The following CDH12 variants were observed in gnomAD, a reference collection of about 807,000 sequenced individuals.
CDH12 encodes the protein cadherin 12.
CDH12 carries 41 observed loss-of-function variants against 74.1 expected under a neutral mutation model. The ratio of observed to expected loss-of-function variants is 0.55; its 90% confidence interval spans 0.43 to 0.72. The LOEUF (loss-of-function observed/expected upper bound fraction) is 0.72. Ranked by LOEUF, CDH12 falls within the 30% of genes least tolerant of loss-of-function variation. CDH12 has a pLI of 0.00. For synonymous variants in CDH12, 399 were observed against 355.0 expected, an observed-to-expected ratio of 1.12 and a Z score of -1.39; for missense variants, 945 against 977.2, an observed-to-expected ratio of 0.97 and a Z score of 0.44.
At chr5:22,350,259 T>G (rs963024962) in intron 3 of CDH12, among the ~76,000 whole-genome samples, 2 of 152,216 alleles carry the variant, frequency 1.3e-5, no homozygotes, top group South Asian at 2.1e-4. Flanking sequence ...TATTATGCAG[T>G]GAAAATACTT....
intron 3 of CDH12, among the ~76,000 whole-genome samples, chr5:22,306,349 G>C (rs1478055284): frequency 1.3e-5 from 2 of 151,900 alleles, no homozygotes; most frequent in Admixed American, 1.3e-4. Context: ...AAAATAATGA[G>C]AGAGAGAAAA....
chr5:22,103,906 G>A (rs1744285187), intron 4 of CDH12, among the ~76,000 whole-genome samples: 1 of 152,114 alleles, frequency 6.6e-6, no homozygotes, highest in Non-Finnish European at 1.5e-5. Context: ...TGTCAAGTTA[G>A]GTTTTTGGCA....
At chr5:22,383,968 T>A (rs1188629858) in intron 3 of CDH12, among the ~76,000 whole-genome samples, 1 of 152,140 alleles carries the variant, frequency 6.6e-6, no homozygotes, top group Non-Finnish European at 1.5e-5. Flanking sequence ...TTGCCATGGG[T>A]CTGAGTTATT....
chr5:22,466,812 C>T lies in CDH12; in HGVS notation c.-428+38458G>A, dbSNP rs1299924839. 2.7e-4 allele frequency among the ~76,000 whole-genome samples: 15 copies of T among 55,610 alleles called. No individual in the cohort carries two copies. In the East Asian group the frequency reaches 7.1e-3, roughly 26 times the overall value. The allele number at this position is 55,610 out of a possible 152,430, so 36.5% of individuals were successfully genotyped here. A position where few individuals can be genotyped will look rare whatever the true frequency, so the allele number is the denominator to read the frequency against. ...TTTTTTTTTTTTTTTTTTTTTGAGA[C>T]GTTGTCTTGCTCTGTCACCAGGCTG... On this transcript the variant is annotated intron_variant, in intron 2 of 14. Coordinates refer to ENST00000382254, the MANE Select transcript of CDH12 (RefSeq NM_004061.5).
intron 2 of CDH12, among the ~76,000 whole-genome samples, chr5:22,492,350 G>GATTT (rs11395240): frequency 2.7e-5 from 4 of 148,492 alleles, no homozygotes; most frequent in African/African-American, 4.9e-5. Context: ...TACTAAAAAT[G>GATTT]TTTTTTTTTT....
chr5:21,898,438 C>T (rs1186728465), intron 6 of CDH12, among the ~76,000 whole-genome samples: 1 of 152,078 alleles, frequency 6.6e-6, no homozygotes, highest in Non-Finnish European at 1.5e-5. Context: ...CGCGGTGGCT[C>T]ACGGCTGTAA....
chr5:22,057,586 A>ATT (rs1404541286), intron 5 of CDH12, among the ~76,000 whole-genome samples: 2 of 152,142 alleles, frequency 1.3e-5, no homozygotes, highest in Non-Finnish European at 2.9e-5. Flanking sequence ...GAGCCTGTCT[A>ATT]TTCAGGTACA....
rs1554032478 is a variant in CDH12, at chr5:21,804,643, A to AAAAAATACACAC, written c.1003-2224_1003-2223insGTGTGTATTTTT. Reference sequence around the variant, plus strand: ...ATAAAATCATTCTATAGTGAATTAAAACACACACACACACACACACACACA... The same window carrying AAAAAATACACAC: ...ATAAAATCATTCTATAGTGAATTAAAAAAAATACACACACACACACACACACACACACACACA... On this transcript the variant is annotated intron_variant, in intron 9 of 14. Transcript: ENST00000382254. Among the ~76,000 whole-genome samples, 912 of 115,344 alleles carry AAAAAATACACAC rather than the reference A, an allele frequency of 7.9e-3. 26 individuals are homozygous for AAAAAATACACAC. The highest frequency in any genetic ancestry group is 8.4e-3 in the Non-Finnish European group (434 of 51,802). The allele number at this position is 115,344 out of a possible 152,430, so 75.7% of individuals were successfully genotyped here.
chr5:22,638,046 A>G (rs549076445), intron 1 of CDH12, among the ~76,000 whole-genome samples: 2 of 152,318 alleles, frequency 1.3e-5, no homozygotes, highest in Admixed American at 6.5e-5. Flanking sequence ...ATCATTGATC[A>G]TTTCCTATGT....
chr5:22,417,183 T>G (rs1275740312), intron 2 of CDH12, among the ~76,000 whole-genome samples: 2 of 152,210 alleles, frequency 1.3e-5, no homozygotes, highest in African/African-American at 4.8e-5. Context: ...AAAATAAACA[T>G]AATAATTTGA....
chr5:22,719,445 C>T (rs183062675), intron 1 of CDH12, among the ~76,000 whole-genome samples: 8 of 152,270 alleles, frequency 5.3e-5, no homozygotes, highest in South Asian at 4.1e-4. Flanking sequence ...GCCTTCCATC[C>T]TTTGCATTTG....
At chr5:21,873,626 A>T (rs1031637206) in intron 6 of CDH12, among the ~76,000 whole-genome samples, 2 of 152,158 alleles carry the variant, frequency 1.3e-5, no homozygotes, top group Admixed American at 1.3e-4. Context: ...TTTTTTAAAA[A>T]TTTTATTTTA....
intron 1 of CDH12, among the ~76,000 whole-genome samples, chr5:22,518,284 T>A (rs991874780): frequency 2.0e-5 from 3 of 152,246 alleles, no homozygotes; most frequent in African/African-American, 4.8e-5. Flanking sequence ...CATTCCTGAA[T>A]AATTTTATGT....
At chr5:22,425,653 T>C (rs542709801) in intron 2 of CDH12, among the ~76,000 whole-genome samples, 1 of 152,132 alleles carries the variant, frequency 6.6e-6, no homozygotes, top group African/African-American at 2.4e-5. Context: ...TTGTACCTTG[T>C]ATTTTTTCAC....
chr5:22,022,403 TCCA>T (rs1738047893), intron 5 of CDH12, among the ~76,000 whole-genome samples: 1 of 152,112 alleles, frequency 6.6e-6, no homozygotes, highest in Non-Finnish European at 1.5e-5. Flanking sequence ...CCTTTGCCCT[TCCA>T]CCATGATTGT....
At chr5:22,829,773 C>G (rs1430868389) in intron 1 of CDH12, among the ~76,000 whole-genome samples, 1 of 152,120 alleles carries the variant, frequency 6.6e-6, no homozygotes, top group Non-Finnish European at 1.5e-5. Context: ...TGACCAGAGC[C>G]TGAGACAAAG....
At chr5:22,739,433 C>A (rs1395266389) in intron 1 of CDH12, among the ~76,000 whole-genome samples, 3 of 151,828 alleles carry the variant, frequency 2.0e-5, no homozygotes, top group Non-Finnish European at 4.4e-5. Context: ...ATTTAAGAAC[C>A]TATTTTATCA....
At chr5:22,837,686 A>G (rs1028042969) in intron 1 of CDH12, among the ~76,000 whole-genome samples, 2 of 152,204 alleles carry the variant, frequency 1.3e-5, no homozygotes, top group African/African-American at 4.8e-5. Context: ...GCTTTATATT[A>G]TGGCTTGAGT....
intron 1 of CDH12, among the ~76,000 whole-genome samples, chr5:22,783,265 G>T (rs1460800406): frequency 6.6e-6 from 1 of 151,274 alleles, no homozygotes; most frequent in Non-Finnish European, 1.5e-5. Flanking sequence ...CCATGGAAAA[G>T]ATCCACTTTG....
Sources: gnomAD v4.1 joint callset for allele counts (sites outside exome capture counted in the v4.1 genomes callset) on GRCh38, gnomAD v4.1.1 for gene constraint, MANE v1.5 for transcripts, NCBI Gene and HGNC (gene_info 2026-07-23, HGNC 2026-07-21) for gene names.